The following DDX50 variants were observed in gnomAD, a reference collection of about 807,000 sequenced individuals.
DDX50 encodes the protein DExD-box helicase 50, also known as ATP-dependent RNA helicase DDX50.
A neutral mutation model predicts 94.8 loss-of-function variants in DDX50; 56 were observed. The observed-to-expected ratio is 0.59, with a 90% CI of 0.48 to 0.74. The LOEUF (loss-of-function observed/expected upper bound fraction) is 0.74. Ranked by LOEUF, DDX50 falls within the 30% of genes least tolerant of loss-of-function variation. The pLI, the probability that DDX50 is intolerant of heterozygous loss-of-function variation, is 0.00. For synonymous variants in DDX50, 264 were observed against 295.4 expected (o/e 0.89, Z 1.09); for missense variants, 713 against 881.2 (o/e 0.81, Z 2.42).
chr10:68,936,539 TATATATATATAA>T (rs1564616527), intron 11 of DDX50, among the ~76,000 whole-genome samples: 1 of 76,756 alleles, frequency 1.3e-5, no homozygotes, highest in African/African-American at 5.2e-5. Context: ...TATATATATA[TATATATATATAA>T]AATGTGGCTG....
At chr10:68,931,392 A>AAT (rs1554836674) in intron 8 of DDX50, among the ~76,000 whole-genome samples, 2,299 of 85,642 alleles carry the variant, frequency 0.027, 49 homozygotes, top group Middle Eastern at 0.041. Flanking sequence ...TAAAAAAAAA[A>AAT]ATATATATAT....
chr10:68,925,095 G>GTTTTTTTTTT (rs1239190321), intron 8 of DDX50, among the ~76,000 whole-genome samples: 12 of 28,558 alleles, frequency 4.2e-4, no homozygotes, highest in African/African-American at 1.4e-3. Flanking sequence ...CCTGCTCATG[G>GTTTTTTTTTT]TTTTTTTTTT....
At chr10:68,932,729 T>C (rs572419303) in intron 8 of DDX50, among the ~76,000 whole-genome samples, 1 of 152,356 alleles carries the variant, frequency 6.6e-6, no homozygotes, top group Admixed American at 6.5e-5. Flanking sequence ...ATAGGTTCAG[T>C]GTCACTAAAA....
At chr10:68,924,238 C>T (rs1000848496) in intron 8 of DDX50, among the ~76,000 whole-genome samples, 3 of 151,972 alleles carry the variant, frequency 2.0e-5, no homozygotes, top group African/African-American at 4.8e-5. Context: ...TCCCAAAGTG[C>T]TGGGATTACA....
chr10:68,932,599 C>T (rs1270855778), intron 8 of DDX50, among the ~76,000 whole-genome samples: 1 of 151,992 alleles, frequency 6.6e-6, no homozygotes, highest in African/African-American at 2.4e-5. Flanking sequence ...ATATAGTGGC[C>T]AGGAATACTA....
chr10:68,915,207 A>G (rs1841749280), intron 7 of DDX50, among the ~76,000 whole-genome samples: 1 of 151,774 alleles, frequency 6.6e-6, no homozygotes, highest in Non-Finnish European at 1.5e-5. Flanking sequence ...AGGTCAGGAG[A>G]TCGAGACCAT....
chr10:68,908,152 G>A (rs1841511457), intron 2 of DDX50, among the ~76,000 whole-genome samples: 1 of 152,086 alleles, frequency 6.6e-6, no homozygotes, highest in South Asian at 2.1e-4. Flanking sequence ...ATTGTATCTT[G>A]TTAAAAGAAA....
In DDX50 at chr10:68,934,186, C is replaced by T. The variant is rs775220019; in HGVS notation, c.1240-13C>T. The T allele has an allele frequency of 3.7e-6, 6 of 1,607,484 alleles. No individual in the cohort carries two copies. In the East Asian group the frequency reaches 1.1e-4, roughly 30 times the overall value. ...GAGCTGTACACTTAATTTTCTCCCCCTTTCTCAAATAGAATGCCCAGTGTT... is the reference window on the plus strand; with the variant it reads ...GAGCTGTACACTTAATTTTCTCCCCTTTTCTCAAATAGAATGCCCAGTGTT... On this transcript the variant is annotated splice_polypyrimidine_tract_variant and intron_variant, in intron 8 of 14. Transcript: ENST00000373585. The surrounding 1 kb of genome is among the most constrained non-coding windows in gnomAD (Gnocchi z 4.0).
chr10:68,946,246 A>G (rs775051073), intron 14 of DDX50, 106 bp from the exon 15 acceptor site: 57 of 1,334,284 alleles, frequency 4.3e-5, no homozygotes, highest in Non-Finnish European at 5.6e-5. Flanking sequence ...AACAGAATAG[A>G]TGGCCTTTAG....
intron 12 of DDX50, among the ~76,000 whole-genome samples, chr10:68,939,543 TTTC>T (rs1234440943): frequency 6.6e-6 from 1 of 152,182 alleles, no homozygotes; most frequent in African/African-American, 2.4e-5. Flanking sequence ...CACTCTCCCC[TTTC>T]TTATTTCAGC....
chr10:68,917,247 G>T (rs1464874704), intron 7 of DDX50, among the ~76,000 whole-genome samples: 7 of 151,918 alleles, frequency 4.6e-5, no homozygotes, highest in Non-Finnish European at 1.0e-4. Context: ...ATCACCTGAG[G>T]TCAGGAGTTC....
intron 8 of DDX50, among the ~76,000 whole-genome samples, chr10:68,923,560 T>C (rs1589259883): frequency 6.6e-6 from 1 of 152,062 alleles, no homozygotes; most frequent in African/African-American, 2.4e-5. Context: ...AATTTTTTGT[T>C]GAGACACAGT....
intron 7 of DDX50, among the ~76,000 whole-genome samples, chr10:68,914,962 A>C (rs1023528828): frequency 6.7e-6 from 1 of 149,224 alleles, no homozygotes; most frequent in African/African-American, 2.5e-5. Context: ...TGGAGGTTGC[A>C]GTAAGCTGAG....
At chr10:68,930,114 C>CTTTTTTT (rs34023657) in intron 8 of DDX50, among the ~76,000 whole-genome samples, 16 of 99,774 alleles carry the variant, frequency 1.6e-4, no homozygotes, top group South Asian at 6.6e-4. Context: ...CTTTCCTTTC[C>CTTTTTTT]TTTTTTTTTT....
chr10:68,920,251 T>C (rs1456082752), intron 8 of DDX50, among the ~76,000 whole-genome samples: 1 of 152,166 alleles, frequency 6.6e-6, no homozygotes, highest in Non-Finnish European at 1.5e-5. Context: ...ATTCTTGACT[T>C]CCTGGGCTCA....
intron 13 of DDX50, among the ~76,000 whole-genome samples, chr10:68,942,516 T>C (rs553748599): frequency 6.6e-6 from 1 of 152,316 alleles, no homozygotes; most frequent in East Asian, 1.9e-4. Flanking sequence ...CTAGTTGCTA[T>C]ACTTGAGTAT....
Position 68,946,569 on chromosome 10 carries a change from G to A in DDX50, c.2153G>A (p.Arg718Lys). 1.2e-6 allele frequency: 2 copies of A among 1,614,250 alleles called. No homozygotes were observed. Among genetic ancestry groups the A allele is most frequent in the South Asian group, 1.1e-5 (1 of 91,092 alleles). Reference sequence around the variant, plus strand: ...CGCTCAGGAAGTCGACAAGATGGTAGAAGACGAAGTGGGAATAGAAATCGA... The same window carrying A: ...CGCTCAGGAAGTCGACAAGATGGTAAAAGACGAAGTGGGAATAGAAATCGA... ...GSRSGSRQDG[R>K]RRSGNRNRSR... Residue 718 changes from arginine to lysine, a missense_variant, in exon 15 of 15, where the codon AGA (arginine) becomes AAA (lysine). This residue lies in a region of DDX50 where 428 missense variants were observed against 602.3 expected (regional missense o/e 0.71). Transcript: ENST00000373585.
At chr10:68,923,394 G>C (rs1238059151) in intron 8 of DDX50, among the ~76,000 whole-genome samples, 1 of 150,232 alleles carries the variant, frequency 6.7e-6, no homozygotes, top group East Asian at 2.0e-4. Flanking sequence ...TTTTTGTAGA[G>C]ATGGGATTTC....
At chr10:68,923,181 A>G (rs896161275) in intron 8 of DDX50, among the ~76,000 whole-genome samples, 25 of 142,968 alleles carry the variant, frequency 1.7e-4, no homozygotes, top group Non-Finnish European at 4.5e-5. Context: ...AAAAACTTTT[A>G]TATATTATTT....
Sources: gnomAD v4.1 joint callset for allele counts (sites outside exome capture counted in the v4.1 genomes callset) on GRCh38, gnomAD v4.1.1 for gene constraint, gnomAD v4.1.1 regional missense constraint, Gnocchi (gnomAD v3.1) non-coding constraint, MANE v1.5 for transcripts, NCBI Gene and HGNC (gene_info 2026-07-23, HGNC 2026-07-21) for gene names.